PCDHA8: variants seen among roughly 807,000 people sequenced by gnomAD.
PCDHA8 encodes protocadherin alpha 8, also known as protocadherin alpha-8.
PCDHA8 carries 53 observed loss-of-function variants against 61.8 expected under a neutral mutation model. The ratio of observed to expected loss-of-function variants is 0.86; its 90% CI spans 0.69 to 1.08. PCDHA8 has a LOEUF of 1.08. Ranked by LOEUF, PCDHA8 falls within the 50% of genes least tolerant of loss-of-function variation. The probability of loss-of-function intolerance (pLI) is 0.00; values close to 1 mark genes in which losing one functional copy is unlikely to be tolerated. For missense variants in PCDHA8, 1,293 were observed against 1,245.0 expected (o/e 1.04, Z -0.58); for synonymous variants, 618 against 556.6 (o/e 1.11, Z -1.55).
chr5:140,879,612 G>T (rs1554170881), intron 1 of PCDHA8, among the ~76,000 whole-genome samples: 1 of 152,172 alleles, frequency 6.6e-6, no homozygotes, highest in East Asian at 1.9e-4. Context: ...ATGTGTCCAG[G>T]TACTTAGGTG....
chr5:140,856,225 G>C (rs1554148421), intron 1 of PCDHA8: 1 of 1,598,066 alleles, frequency 6.3e-7, no homozygotes, highest in Admixed American at 1.7e-5. Context: ...CGGAGCTGGT[G>C]CAGCGCCTGT....
chr5:140,930,404 T>C (rs2086793049), intron 1 of PCDHA8: 1 of 152,170 alleles, frequency 6.6e-6, no homozygotes, highest in African/African-American at 2.4e-5. Flanking sequence ...TTTTTTTTTT[T>C]TGAGACAGGG....
intron 3 of PCDHA8, among the ~76,000 whole-genome samples, chr5:141,007,654 C>T (rs1461130528): frequency 6.6e-6 from 1 of 152,052 alleles, no homozygotes; most frequent in Non-Finnish European, 1.5e-5. Context: ...CCTAAAAAAC[C>T]ATAAATTTAC....
At chr5:140,870,201 G>A in intron 1 of PCDHA8, 2 of 1,614,140 alleles carry the variant, frequency 1.2e-6, no homozygotes, top group Non-Finnish European at 8.5e-7. Context: ...AGCCCAGCAC[G>A]GTCATTGCCC....
At chr5:140,898,507 C>T (rs538521734) in intron 1 of PCDHA8, among the ~76,000 whole-genome samples, 23 of 152,140 alleles carry the variant, frequency 1.5e-4, no homozygotes, top group African/African-American at 5.1e-4. Context: ...TGTAGATATG[C>T]GGCGTTATTT....
chr5:140,903,211 C>T (rs1457584095), intron 1 of PCDHA8, among the ~76,000 whole-genome samples: 1 of 152,174 alleles, frequency 6.6e-6, no homozygotes, highest in African/African-American at 2.4e-5. Context: ...TCACCACATT[C>T]ATGCCAACAT....
intron 3 of PCDHA8, among the ~76,000 whole-genome samples, chr5:141,008,574 A>G (rs1554261815): frequency 1.3e-5 from 2 of 152,164 alleles, no homozygotes; most frequent in Admixed American, 1.3e-4. Context: ...TCATTTTCCC[A>G]AGACTCAGGG....
chr5:140,954,737 T>C (rs1208625491), intron 1 of PCDHA8, among the ~76,000 whole-genome samples: 38 of 152,210 alleles, frequency 2.5e-4, no homozygotes, highest in Non-Finnish European at 1.5e-5. Flanking sequence ...TTCACTCTGA[T>C]GATAGTTTCT....
intron 1 of PCDHA8, among the ~76,000 whole-genome samples, chr5:140,972,225 G>A (rs959858462): frequency 3.3e-5 from 5 of 151,474 alleles, no homozygotes; most frequent in Admixed American, 2.0e-4. Context: ...CTGCAGCCTC[G>A]ACCTTCTGGG....
At chr5:140,985,065 G>A (rs189493508) in intron 3 of PCDHA8, among the ~76,000 whole-genome samples, 45 of 152,190 alleles carry the variant, frequency 3.0e-4, no homozygotes, top group Admixed American at 5.2e-4. Context: ...AGCCTCCTGA[G>A]TAGCTGAGAC....
At chr5:140,876,848 A>C (rs1562720449) in intron 1 of PCDHA8, 8 of 1,614,064 alleles carry the variant, frequency 5.0e-6, no homozygotes, top group Non-Finnish European at 5.1e-6. Flanking sequence ...GCGCAGCCCG[A>C]GTACACAGTG....
chr5:140,987,358 T>C (rs1554249108), intron 3 of PCDHA8, among the ~76,000 whole-genome samples: 2 of 152,208 alleles, frequency 1.3e-5, no homozygotes, highest in Non-Finnish European at 2.9e-5. Context: ...CCTGAGGTTG[T>C]CTTATATCAT....
intron 1 of PCDHA8, among the ~76,000 whole-genome samples, chr5:140,951,543 C>G (rs246041): frequency 0.56 from 85,284 of 151,440 alleles, 24,613 homozygotes; most frequent in African/African-American, 0.69. Flanking sequence ...GAGCAAGGGA[C>G]GGGGGGAAGT....
At chr5:140,924,550 C>T (rs2081897316) in intron 1 of PCDHA8, among the ~76,000 whole-genome samples, 1 of 152,096 alleles carries the variant, frequency 6.6e-6, no homozygotes, top group Non-Finnish European at 1.5e-5. Context: ...CTCTCCCCAC[C>T]ATTTTAATCA....
chr5:140,920,908 T>G (rs1333150217), intron 1 of PCDHA8, among the ~76,000 whole-genome samples: 1 of 151,136 alleles, frequency 6.6e-6, no homozygotes, highest in Non-Finnish European at 1.5e-5. Context: ...GGTTCTCAAA[T>G]CAGTTCCAAG....
At chr5:140,894,044 T>C (rs2064295340) in intron 1 of PCDHA8, among the ~76,000 whole-genome samples, 1 of 152,190 alleles carries the variant, frequency 6.6e-6, no homozygotes, top group Admixed American at 6.5e-5. Context: ...ATGTAAGTCC[T>C]CTGTTGAATT....
intron 1 of PCDHA8, among the ~76,000 whole-genome samples, chr5:140,913,412 T>G (rs2076324998): frequency 6.6e-6 from 1 of 152,222 alleles, no homozygotes; most frequent in African/African-American, 2.4e-5. Context: ...TTTGAATTCC[T>G]GCAGTATCAG....
chr5:140,888,819 G>A (rs2061994549), intron 1 of PCDHA8, among the ~76,000 whole-genome samples: 1 of 151,908 alleles, frequency 6.6e-6, no homozygotes, highest in African/African-American at 2.4e-5. Context: ...TGTGATCTGT[G>A]ATCACATCAC....
At chr5:140,846,654 A>T (rs941473250) in intron 1 of PCDHA8, among the ~76,000 whole-genome samples, 1 of 149,238 alleles carries the variant, frequency 6.7e-6, no homozygotes, top group African/African-American at 2.5e-5. Flanking sequence ...GATTACAGGC[A>T]TGAGCCACCG....
Sources: gnomAD v4.1 joint callset for allele counts (sites outside exome capture counted in the v4.1 genomes callset) on GRCh38, gnomAD v4.1.1 for gene constraint, MANE v1.5 for transcripts, NCBI Gene and HGNC (gene_info 2026-07-23, HGNC 2026-07-21) for gene names.